Variants in SLC66A1 observed in about 807,000 individuals in gnomAD.
SLC66A1 encodes the protein solute carrier family 66 member 1.
Under a neutral mutation model 33.0 loss-of-function variants are expected in SLC66A1, and 23 were observed. The ratio of observed to expected loss-of-function variants is 0.70; its 90% CI spans 0.50 to 0.99. The LOEUF (loss-of-function observed/expected upper bound fraction) is 0.99. Ranked by LOEUF, SLC66A1 falls within the 50% of genes least tolerant of loss-of-function variation. SLC66A1 has a pLI of 0.00. For missense variants in SLC66A1, 335 were observed against 383.6 expected, an observed-to-expected ratio of 0.87 and a Z score of 1.06; for synonymous variants, 164 against 175.5, an observed-to-expected ratio of 0.93 and a Z score of 0.52.
At chr1:19,331,171 T>C (rs762630246), downstream of SLC66A1, among the ~76,000 whole-genome samples, 6 of 152,052 alleles carry the variant, frequency 3.9e-5, no homozygotes, top group Non-Finnish European at 7.4e-5. Context: ...GCCGCCACGC[T>C]CAGCTAATTT....
intron 2 of SLC66A1, among the ~76,000 whole-genome samples, chr1:19,324,403 A>G (rs1029899383): frequency 1.3e-5 from 2 of 152,176 alleles, no homozygotes; most frequent in African/African-American, 4.8e-5. Context: ...CCCTGGAGAG[A>G]TGCACAGCCG....
chr1:19,325,707 A>G, intron 4 of SLC66A1, 125 bp downstream of exon 4: 1 of 826,442 alleles, frequency 1.2e-6, no homozygotes, highest in Non-Finnish European at 1.9e-6. Context: ...AAACCTCGGA[A>G]AGCCTTCCCC....
chr1:19,325,097 T>C (rs879829222), intron 3 of SLC66A1, among the ~76,000 whole-genome samples: 2 of 152,214 alleles, frequency 1.3e-5, no homozygotes, highest in Non-Finnish European at 2.9e-5. Flanking sequence ...GAGGCCCAGA[T>C]GCCATCCTGC....
intron 2 of SLC66A1, among the ~76,000 whole-genome samples, chr1:19,319,437 G>T (rs992262295): frequency 1.3e-5 from 2 of 152,246 alleles, no homozygotes; most frequent in East Asian, 3.9e-4. Context: ...ATGTCTTCAA[G>T]ATTCATCCAT....
At chr1:19,325,886 C>T (rs1016123059) in intron 4 of SLC66A1, among the ~76,000 whole-genome samples, 11 of 152,150 alleles carry the variant, frequency 7.2e-5, no homozygotes, top group East Asian at 1.9e-4. Flanking sequence ...GCTGGGGAAA[C>T]GAGGGCAAGT....
chr1:19,326,462 G>A, intron 5 of SLC66A1, 69 bp from the exon 6 acceptor site: 1 of 1,612,662 alleles, frequency 6.2e-7, no homozygotes, highest in Non-Finnish European at 8.5e-7. Flanking sequence ...CAGCCTCATG[G>A]GTGCTAAATG....
chr1:19,326,661 G>A, intron 6 of SLC66A1, 38 bp downstream of exon 6: 1 of 1,604,288 alleles, frequency 6.2e-7, no homozygotes, highest in East Asian at 2.2e-5. Flanking sequence ...GCCGAGTAGA[G>A]GAGAGCTGGC....
Position 19,328,530 on chromosome 1 carries a change from C to T in SLC66A1, c.805-42C>T, listed in dbSNP as rs755488676. ...CGAAGGCCCCCAGGGGCAGGTCCAA[C>T]CCAGTCTCTGCTCAGCTTGGCCTTA... On this transcript the variant is annotated intron_variant, in intron 7 of 7. Transcript: ENST00000375153. The surrounding 1 kb of genome is among the most constrained non-coding windows in gnomAD (Gnocchi z 4.7). The T allele has an allele frequency of 2.5e-6, 4 of 1,581,778 alleles. No individual in the cohort carries two copies. The East Asian group carries it at 9.1e-5, about 36-fold the overall frequency.
chr1:19,331,250 G>A (rs1417729368), downstream of SLC66A1, among the ~76,000 whole-genome samples: 1 of 152,198 alleles, frequency 6.6e-6, no homozygotes, highest in African/African-American at 2.4e-5. Flanking sequence ...TACCTCAGGT[G>A]ATCTGCTTGC....
intron 1 of SLC66A1, among the ~76,000 whole-genome samples, chr1:19,315,697 A>G (rs2093801234): frequency 6.6e-6 from 1 of 152,000 alleles, no homozygotes; most frequent in South Asian, 2.1e-4. Flanking sequence ...GTCATGCCAG[A>G]CCACAGAGGC....
chr1:19,328,419 G>A lies in SLC66A1; in HGVS notation c.805-153G>A, dbSNP rs946914215. ...AGTTCTGAGTGGAGGGCACAGCTAA[G>A]GTAGCGGCTGGGAGGTTATGGCTGG... is the stretch of plus-strand genomic sequence containing the variant. On this transcript the variant is annotated intron_variant, in intron 7 of 7. Coordinates refer to ENST00000375153, the MANE Select transcript of SLC66A1 (RefSeq NM_001040125.2). This position sits in a 1 kb window ranked among gnomAD's most constrained non-coding sequence, Gnocchi z 4.7. Among the ~76,000 whole-genome samples the A allele has an allele frequency of 1.3e-5, 2 of 152,206 alleles. No homozygotes were observed. Among genetic ancestry groups the A allele is most frequent in the Non-Finnish European group, 2.9e-5 (2 of 68,032 alleles).
In SLC66A1 at chr1:19,326,529, A is replaced by G. The variant is rs772444992; in HGVS notation, c.526-2A>G. On this transcript the variant is annotated splice_acceptor_variant, in intron 5 of 7. Transcript: ENST00000375153. LOFTEE classifies it high-confidence loss of function. ...CACCAAGTGCCCCCTTCTGCCCCAC[A>G]GCCCTTCACCCGGCAGGAAGTCATT... 36 of 1,614,064 alleles carry G rather than the reference A, an allele frequency of 2.2e-5. No homozygotes were observed. Among genetic ancestry groups the G allele is most frequent in the Non-Finnish European group, 3.0e-5 (35 of 1,180,030 alleles).
At chr1:19,327,560 TGTTCA>T (rs2093875849) in intron 7 of SLC66A1, 148 bp downstream of exon 7, 148 of 399,902 alleles carry the variant, frequency 3.7e-4, no homozygotes, top group Non-Finnish European at 5.2e-4. Context: ...TCCCTCCATC[TGTTCA>T]CCCAGTCGTG....
intron 4 of SLC66A1, 40 bp downstream of exon 4, chr1:19,325,622 C>T: frequency 1.8e-6 from 2 of 1,123,630 alleles, no homozygotes; most frequent in Non-Finnish European, 2.5e-6. Flanking sequence ...GCTCTACCAG[C>T]AGCAGGGGGC....
In SLC66A1 at chr1:19,328,680, C is replaced by T. The variant is rs376582040; in HGVS notation, c.*37C>T. 1.8e-4 allele frequency: 286 copies of T among 1,599,984 alleles called. 1 individual carries two copies. In the African/African-American group the frequency reaches 3.5e-3, roughly 20 times the overall value. ...CTGAGCGCAGGAGGACAGGCACCACCGGATGCCACACCAGGCAGGAGGAGG... is the reference window on the plus strand; with the variant it reads ...CTGAGCGCAGGAGGACAGGCACCACTGGATGCCACACCAGGCAGGAGGAGG... On this transcript the variant is annotated 3_prime_UTR_variant, in exon 8 of 8. Coordinates refer to ENST00000375153, the MANE Select transcript of SLC66A1 (RefSeq NM_001040125.2). The surrounding 1 kb of genome is among the most constrained non-coding windows in gnomAD (Gnocchi z 4.7).
chr1:19,322,285 A>C (rs2093841904), intron 2 of SLC66A1, among the ~76,000 whole-genome samples: 1 of 152,074 alleles, frequency 6.6e-6, no homozygotes, highest in South Asian at 2.1e-4. Flanking sequence ...TTGCTGGCTG[A>C]GGATCCCCCT....
At chr1:19,327,977 C>T (rs1207531593) in intron 7 of SLC66A1, 2 of 258,534 alleles carry the variant, frequency 7.7e-6, no homozygotes, top group South Asian at 8.4e-5. Flanking sequence ...GCAGGGCACA[C>T]AGTCAACCTC....
chr1:19,323,432 G>A (rs1299032259), intron 2 of SLC66A1, among the ~76,000 whole-genome samples: 2 of 151,928 alleles, frequency 1.3e-5, no homozygotes, highest in African/African-American at 4.8e-5. Flanking sequence ...TTTGAGACAG[G>A]GTCTTGCTCT....
chr1:19,314,212 G>A (rs1235521986), intron 1 of SLC66A1, among the ~76,000 whole-genome samples: 4 of 152,214 alleles, frequency 2.6e-5, no homozygotes, highest in Admixed American at 6.5e-5. Flanking sequence ...GTGTCTCAGA[G>A]TGTCCCGAGC....
Sources: allele counts gnomAD v4.1 joint callset (sites outside exome capture counted in the v4.1 genomes callset), GRCh38; gene constraint gnomAD v4.1.1; non-coding constraint Gnocchi (gnomAD v3.1); transcripts MANE v1.5; gene names NCBI Gene and HGNC (gene_info 2026-07-23, HGNC 2026-07-21).